Variants in HEATR5A observed in about 807,000 individuals in gnomAD.
The protein encoded by HEATR5A is HEAT repeat containing 5A, also known as HEAT repeat-containing protein 5A.
In HEATR5A, 178 loss-of-function variants were observed where a neutral mutation model predicts 218.8. The observed-to-expected ratio is 0.81, with a 90% confidence interval of 0.72 to 0.92. The LOEUF is 0.92. Among genes scored for constraint, HEATR5A ranks in the 40% least tolerant of loss-of-function variants. The pLI, the probability that HEATR5A is intolerant of heterozygous loss-of-function variation, is 0.00. For synonymous variants in HEATR5A, 864 were observed against 871.6 expected, an observed-to-expected ratio of 0.99 and a Z score of 0.15; for missense variants, 2,420 against 2,418.9, an observed-to-expected ratio of 1.00 and a Z score of -0.01.
chr14:31,398,127 G>C lies in HEATR5A; in HGVS notation c.447+546C>G, dbSNP rs186609757. 1.6e-3 allele frequency among the ~76,000 whole-genome samples: 237 copies of C among 152,232 alleles called. 2 individuals are homozygous for C. Among genetic ancestry groups the C allele is most frequent in the Non-Finnish European group, 2.1e-3 (146 of 68,020 alleles). ...ATGAAGAGACAGTCTCAAAAACAAA[G>C]GGTGTTCCAGAGGAGTAAGTGACAC... On this transcript the variant is annotated intron_variant, in intron 4 of 35. Coordinates refer to ENST00000543095, the MANE Select transcript of HEATR5A (RefSeq NM_015473.4).
At chr14:31,411,049 T>A (rs940216398) in intron 1 of HEATR5A, among the ~76,000 whole-genome samples, 1 of 152,168 alleles carries the variant, frequency 6.6e-6, no homozygotes, top group Non-Finnish European at 1.5e-5. Context: ...TAAATCTAAA[T>A]ATGAAAAATG....
At chr14:31,413,178 C>T (rs1379556634) in intron 1 of HEATR5A, among the ~76,000 whole-genome samples, 1 of 152,024 alleles carries the variant, frequency 6.6e-6, no homozygotes, top group Non-Finnish European at 1.5e-5. Context: ...TGCCGCTCAC[C>T]ACTGCATAAT....
chr14:31,348,880 T>G (rs1261368074), intron 18 of HEATR5A, among the ~76,000 whole-genome samples: 1 of 152,178 alleles, frequency 6.6e-6, no homozygotes, highest in Non-Finnish European at 1.5e-5. Context: ...CAAAGTGCTA[T>G]CAATACTACC....
intron 10 of HEATR5A, 124 bp from the exon 11 acceptor site, chr14:31,380,702 G>C: frequency 1.5e-6 from 1 of 667,552 alleles, no homozygotes; most frequent in Non-Finnish European, 2.6e-6. Flanking sequence ...ATAAAGAACT[G>C]TCATTCGTGT....
At chr14:31,378,835 A>C (rs1306145346) in intron 11 of HEATR5A, among the ~76,000 whole-genome samples, 1 of 151,586 alleles carries the variant, frequency 6.6e-6, no homozygotes, top group Non-Finnish European at 1.5e-5. Flanking sequence ...GTAGTTCTTC[A>C]TTTATGATTG....
chr14:31,307,714 T>C (rs998183938), intron 30 of HEATR5A, among the ~76,000 whole-genome samples, 179 bp downstream of exon 30: 15 of 152,188 alleles, frequency 9.9e-5, no homozygotes, highest in Non-Finnish European at 1.5e-4. Context: ...AGAGGCATGA[T>C]TGTTTTTGGG....
intron 14 of HEATR5A, among the ~76,000 whole-genome samples, chr14:31,360,533 G>A (rs978701985): frequency 6.6e-6 from 1 of 152,124 alleles, no homozygotes; most frequent in Non-Finnish European, 1.5e-5. Context: ...TAACTGCAAT[G>A]ATCACCTCAA....
At chr14:31,342,601 C>T (rs1042681392) in intron 21 of HEATR5A, among the ~76,000 whole-genome samples, 1 of 152,074 alleles carries the variant, frequency 6.6e-6, no homozygotes, top group African/African-American at 2.4e-5. Flanking sequence ...TACGGGACTT[C>T]CCTAAAGGTG....
At position 31,315,902 on chromosome 14, in the gene HEATR5A, A is replaced by T; in HGVS notation, c.4086T>A (p.Asp1362Glu). The change falls in exon 27 of 36, where the codon GAT (aspartate) becomes GAA (glutamate). Residue 1362 changes from aspartate to glutamate, a missense_variant. Physicochemically the swap from Asp to Glu is conservative, Grantham distance 45 (BLOSUM62 2). Transcript: ENST00000543095. ...CAAGCAACTGATGAACTCTTCGGAG[A>T]TCATTAAGGTCACTTACAACTCCAC... The part of the protein sequence containing the change: ...IASGVVSDLN[D>E]LRRVHQLLVS... 1 of 1,582,902 alleles carries T rather than the reference A, an allele frequency of 6.3e-7. No individual in the cohort carries two copies. The highest frequency in any genetic ancestry group is 8.6e-7 in the Non-Finnish European group (1 of 1,163,596).
In HEATR5A at chr14:31,293,446, A is replaced by G; in HGVS notation, c.6000T>C (p.Ala2000=). ...QYSSVFKSLV[A]SSPALKARLE... Reference sequence around the variant, plus strand: ...GGCGGGCTTTTAGGGCTGGAGAAGAAGCCACTAAACTTTTAAAAACAGATG... The same window carrying G: ...GGCGGGCTTTTAGGGCTGGAGAAGAGGCCACTAAACTTTTAAAAACAGATG... The change falls in exon 36 of 36, where the codon GCT becomes GCC. Residue 2000 remains alanine (A), a synonymous_variant. Coordinates refer to ENST00000543095, the MANE Select transcript of HEATR5A (RefSeq NM_015473.4). 1 of 1,614,012 alleles carries G rather than the reference A, an allele frequency of 6.2e-7. No individual in the cohort carries two copies. Among genetic ancestry groups the G allele is most frequent in the East Asian group, 2.2e-5 (1 of 44,878 alleles).
rs1491490462 is a variant in HEATR5A at position 31,406,978 on chromosome 14, A to AAAAAG, written c.-74-3930_-74-3929insCTTTT. On this transcript the variant is annotated intron_variant, in intron 1 of 35. Coordinates refer to ENST00000543095, the MANE Select transcript of HEATR5A (RefSeq NM_015473.4). ...TGTGACAAGAGTGAACCTCTGTCTC[A>AAAAAG]AAAAAAAAAAAAAAAAAAGCGAGAA... 3.5e-3 allele frequency among the ~76,000 whole-genome samples: 19 copies of AAAAAG among 5,356 alleles called. No individual in the cohort carries two copies. The South Asian group carries it at 0.14, about 39-fold the overall frequency. 3.5% of individuals were successfully genotyped at this position (5,356 alleles called of 152,430 possible).
At chr14:31,385,231 T>A (rs940701546) in intron 9 of HEATR5A, among the ~76,000 whole-genome samples, 2 of 152,220 alleles carry the variant, frequency 1.3e-5, no homozygotes, top group Admixed American at 1.3e-4. Flanking sequence ...GCATAAGTGA[T>A]GCTCCTGGCT....
At chr14:31,419,082 T>A (rs918214548) in intron 1 of HEATR5A, among the ~76,000 whole-genome samples, 1 of 152,158 alleles carries the variant, frequency 6.6e-6, no homozygotes, top group African/African-American at 2.4e-5. Context: ...AGTGACCTAA[T>A]CTAACATCCA....
intron 11 of HEATR5A, among the ~76,000 whole-genome samples, chr14:31,379,133 C>G (rs143170676): frequency 6.6e-6 from 1 of 150,404 alleles, no homozygotes; most frequent in African/African-American, 2.4e-5. Flanking sequence ...TTAGTAGAAG[C>G]AAGATTTCAC....
intron 22 of HEATR5A, among the ~76,000 whole-genome samples, chr14:31,332,761 G>A (rs141876859): frequency 1.7e-3 from 256 of 152,100 alleles, no homozygotes; most frequent in South Asian, 9.4e-3. Context: ...CGAGGTGGGC[G>A]GATCACCTAA....
chr14:31,363,364 T>C (rs1319160094), intron 14 of HEATR5A, among the ~76,000 whole-genome samples: 1 of 152,180 alleles, frequency 6.6e-6, no homozygotes, highest in Non-Finnish European at 1.5e-5. Flanking sequence ...AGAAATTATC[T>C]CTCAGCTTTT....
At position 31,375,472 on chromosome 14, in the gene HEATR5A, G is replaced by A. The variant is rs147474329; in HGVS notation, c.1709-504C>T. On this transcript the variant is annotated intron_variant, in intron 11 of 35. Coordinates refer to ENST00000543095, the MANE Select transcript of HEATR5A (RefSeq NM_015473.4). ...TGCAGTGGCATGATCACAGCTCACT[G>A]CAATCTCAATCTCAACCCCCCTGAG... Among the ~76,000 whole-genome samples, 4 of 152,262 alleles carry A rather than the reference G, an allele frequency of 2.6e-5. No individual in the cohort carries two copies. The East Asian group carries it at 7.7e-4, about 29-fold the overall frequency.
intron 1 of HEATR5A, among the ~76,000 whole-genome samples, chr14:31,412,016 C>T (rs867776794): frequency 6.6e-6 from 1 of 151,838 alleles, no homozygotes; most frequent in African/African-American, 2.4e-5. Context: ...CCACCATGCC[C>T]GGCTAATTTT....
chr14:31,336,134 A>T (rs533934935), intron 22 of HEATR5A, among the ~76,000 whole-genome samples: 1 of 148,812 alleles, frequency 6.7e-6, no homozygotes, highest in East Asian at 2.0e-4. Context: ...GTGTACCATG[A>T]CACCTGGCTA....
Sources: gnomAD v4.1 joint callset for allele counts (sites outside exome capture counted in the v4.1 genomes callset) on GRCh38, gnomAD v4.1.1 for gene constraint, MANE v1.5 for transcripts, NCBI Gene and HGNC (gene_info 2026-07-23, HGNC 2026-07-21) for gene names.